Variants in AGO2 observed in about 807,000 individuals in gnomAD.
AGO2 encodes protein argonaute-2.
A neutral mutation model predicts 102.3 loss-of-function variants in AGO2; 5 were observed. The ratio of observed to expected loss-of-function variants is 0.05; its 90% CI spans 0.03 to 0.10. AGO2 has a LOEUF of 0.10. Among genes scored for constraint, AGO2 ranks in the 10% least tolerant of loss-of-function variants. The pLI is 1.00. For missense variants in AGO2, 541 were observed against 1,183.7 expected (o/e 0.46, Z 7.97); for synonymous variants, 449 against 473.1 (o/e 0.95, Z 0.66).
At chr8:140,584,075 T>C (rs954841184) in intron 2 of AGO2, among the ~76,000 whole-genome samples, 4 of 147,440 alleles carry the variant, frequency 2.7e-5, no homozygotes, top group Non-Finnish European at 5.9e-5. Context: ...ACAAATGCAA[T>C]GTACATCTAG....
intron 2 of AGO2, among the ~76,000 whole-genome samples, chr8:140,575,459 C>T (rs921734872): frequency 1.3e-5 from 2 of 152,182 alleles, no homozygotes; most frequent in Admixed American, 6.5e-5. Flanking sequence ...CCCCAACCTT[C>T]GGAGGCCCTC....
In AGO2 at chr8:140,529,513, C is replaced by T. The variant is rs1314625726; in HGVS notation, c.*2531G>A. The T allele has an allele frequency of 6.6e-6, 1 of 152,004 alleles. No individual in the cohort carries two copies. Among genetic ancestry groups the T allele is most frequent in the East Asian group, 1.9e-4 (1 of 5,198 alleles). 9.4% of individuals were successfully genotyped at this position (152,004 alleles called of 1,614,324 possible). A position where few individuals can be genotyped will look rare whatever the true frequency, so the allele number is the denominator to read the frequency against. On this transcript the variant is annotated 3_prime_UTR_variant, in exon 19 of 19. Transcript: ENST00000220592. ...TTTTAGTATTAAAAGTTTTATAAAACAAGCATAGGGCTATAAAAAAGTACC... is the reference window on the plus strand; with the variant it reads ...TTTTAGTATTAAAAGTTTTATAAAATAAGCATAGGGCTATAAAAAAGTACC...
chr8:140,632,080 T>C (rs2074349198), intron 1 of AGO2, among the ~76,000 whole-genome samples: 1 of 152,268 alleles, frequency 6.6e-6, no homozygotes, highest in South Asian at 2.1e-4. Flanking sequence ...GAGCATTCAC[T>C]GTACAACACA....
Position 140,541,275 on chromosome 8 carries a change from G to A in AGO2, c.1923C>T (p.Asp641=). 1 of 1,613,716 alleles carries A rather than the reference G, an allele frequency of 6.2e-7. No individual in the cohort carries two copies. Among genetic ancestry groups the A allele is most frequent in the Non-Finnish European group, 8.5e-7 (1 of 1,179,932 alleles). Reference sequence around the variant, plus strand: ...GGAGCTCGCGGACCATGGCGGCCAGGTCTTGTATGATCTCCTGCCGGTGCT... The same window carrying A: ...GGAGCTCGCGGACCATGGCGGCCAGATCTTGTATGATCTCCTGCCGGTGCT... ...VQQHRQEIIQ[D]LAAMVRELLI... is the part of the protein sequence containing the mutation. The change falls in exon 15 of 19, where the codon GAC becomes GAT. Residue 641 remains aspartate, a synonymous_variant. Coordinates refer to ENST00000220592, the MANE Select transcript of AGO2 (RefSeq NM_012154.5).
At chr8:140,566,618 T>TGGG (rs1188430819) in intron 3 of AGO2, among the ~76,000 whole-genome samples, 11 of 128,544 alleles carry the variant, frequency 8.6e-5, no homozygotes, top group East Asian at 2.5e-4. Flanking sequence ...TTTTTTTTTT[T>TGGG]GGGGGGGGGG....
intron 4 of AGO2, 143 bp from the exon 5 acceptor site, chr8:140,560,653 G>A (rs2073184273): frequency 2.9e-5 from 29 of 1,007,278 alleles, no homozygotes; most frequent in Non-Finnish European, 3.6e-5. Context: ...TTTACCACAC[G>A]GCACTCCAGC....
chr8:140,570,795 C>A (rs1359957087), intron 3 of AGO2, among the ~76,000 whole-genome samples: 1 of 152,214 alleles, frequency 6.6e-6, no homozygotes, highest in East Asian at 1.9e-4. Context: ...CCAGGCCTCA[C>A]ACCCATATCT....
At chr8:140,595,205 A>G (rs1418110355) in intron 1 of AGO2, among the ~76,000 whole-genome samples, 1 of 152,176 alleles carries the variant, frequency 6.6e-6, no homozygotes, top group African/African-American at 2.4e-5. Flanking sequence ...AACTGTGAGG[A>G]CAGTTCAGTG....
chr8:140,596,818 G>C (rs767185017), intron 1 of AGO2, among the ~76,000 whole-genome samples: 1 of 152,194 alleles, frequency 6.6e-6, no homozygotes, highest in Non-Finnish European at 1.5e-5. Context: ...GCAAGTGGCC[G>C]GGGTGGGGGA....
chr8:140,549,956 A>T (rs968763419), intron 11 of AGO2, among the ~76,000 whole-genome samples: 1 of 152,130 alleles, frequency 6.6e-6, no homozygotes, highest in Non-Finnish European at 1.5e-5. Context: ...AGGACACGGC[A>T]CTCCAACCCA....
chr8:140,629,205 G>A (rs1039748810), intron 1 of AGO2, among the ~76,000 whole-genome samples: 28 of 152,192 alleles, frequency 1.8e-4, no homozygotes, highest in Non-Finnish European at 3.8e-4. Flanking sequence ...AACACTGCAC[G>A]AAACAGTAGG....
rs1183610174 is a variant in AGO2 at position 140,557,518 on chromosome 8, T to C, written c.879-282A>G. ...GTGTGTGTAAAGGAGTCAGGACGAA[T>C]GGGCACGACCAGAAAGGCCTGCGCG... On this transcript the variant is annotated intron_variant, in intron 7 of 18. Transcript: ENST00000220592. The surrounding 1 kb of genome is among the most constrained non-coding windows in gnomAD (Gnocchi z 5.9). 6.6e-6 allele frequency among the ~76,000 whole-genome samples: 1 copy of C among 152,212 alleles called. No individual in the cohort carries two copies. The highest frequency in any genetic ancestry group is 1.5e-5 in the Non-Finnish European group (1 of 68,036).
At chr8:140,598,753 C>A (rs754452965) in intron 1 of AGO2, among the ~76,000 whole-genome samples, 1 of 152,186 alleles carries the variant, frequency 6.6e-6, no homozygotes, top group Non-Finnish European at 1.5e-5. Context: ...TGGAGCTACA[C>A]CTGCCCCAAC....
chr8:140,618,442 C>T (rs6578125), intron 1 of AGO2, among the ~76,000 whole-genome samples: 141,964 of 152,312 alleles, frequency 0.93, 66,288 homozygotes, highest in East Asian at 1. Flanking sequence ...TTAGCTGTGA[C>T]TGTGCCACTG....
the AGO2 span, among the ~76,000 whole-genome samples, chr8:140,640,741 G>A: frequency 2.6e-5 from 4 of 151,960 alleles, no homozygotes; most frequent in South Asian, 2.1e-4. Context: ...GGCTGGTCTC[G>A]AACTCCTGAC....
chr8:140,635,926 G>A (rs1158353023), upstream of AGO2, among the ~76,000 whole-genome samples: 1 of 148,252 alleles, frequency 6.7e-6, no homozygotes, highest in Non-Finnish European at 1.5e-5. Flanking sequence ...GGCCCGTGTG[G>A]CGCGGGGGCG....
chr8:140,628,400 T>C (rs1273503558), intron 1 of AGO2, among the ~76,000 whole-genome samples: 1 of 150,950 alleles, frequency 6.6e-6, no homozygotes, highest in African/African-American at 2.5e-5. Context: ...TGTGTGTGCG[T>C]GTGTGTGTGT....
At chr8:140,536,700 T>C (rs921884402) in intron 16 of AGO2, among the ~76,000 whole-genome samples, 3 of 152,228 alleles carry the variant, frequency 2.0e-5, no homozygotes, top group Admixed American at 2.0e-4. Context: ...CCTCAATTAT[T>C]TTCCATTCTA....
chr8:140,547,822 C>T (rs1409175308), intron 12 of AGO2, among the ~76,000 whole-genome samples, 195 bp from the exon 13 acceptor site: 1 of 152,244 alleles, frequency 6.6e-6, no homozygotes, highest in African/African-American at 2.4e-5. Context: ...GGACGCCAAG[C>T]TCCTTGGAGT....
Sources: gnomAD v4.1 joint callset for allele counts (sites outside exome capture counted in the v4.1 genomes callset) on GRCh38, gnomAD v4.1.1 for gene constraint, Gnocchi (gnomAD v3.1) non-coding constraint, MANE v1.5 for transcripts, NCBI Gene and HGNC (gene_info 2026-07-23, HGNC 2026-07-21) for gene names.